Variants in BAZ1B observed in about 807,000 individuals in gnomAD.
The protein encoded by BAZ1B is tyrosine-protein kinase BAZ1B.
Under a neutral mutation model 153.8 loss-of-function variants are expected in BAZ1B, and 22 were observed. The observed-to-expected ratio is 0.14, with a 90% CI of 0.10 to 0.20. BAZ1B has a LOEUF of 0.20. Ranked by LOEUF, BAZ1B falls within the 10% of genes least tolerant of loss-of-function variation. BAZ1B has a pLI of 1.00. For missense variants in BAZ1B, 1,325 were observed against 1,799.3 expected (o/e 0.74, Z 4.77); for synonymous variants, 676 against 633.4 (o/e 1.07, Z -1.01).
intron 7 of BAZ1B, among the ~76,000 whole-genome samples, chr7:73,476,648 C>T (rs1256046158): frequency 6.6e-6 from 1 of 152,154 alleles, no homozygotes; most frequent in African/African-American, 2.4e-5. Flanking sequence ...GCCAACATCA[C>T]ATTAACTTAT....
In BAZ1B at chr7:73,498,839, T is replaced by A. The variant is rs1279710870; in HGVS notation, c.370-141A>T. ...AGTAAAGTATCCAAGTACAATGAAG[T>A]GTTTTCAACTTTTTTTCTCAGACTT... On this transcript the variant is annotated intron_variant, in intron 3 of 19. Coordinates refer to ENST00000339594, the MANE Select transcript of BAZ1B (RefSeq NM_032408.4). 9.3e-5 allele frequency: 65 copies of A among 696,932 alleles called. No homozygotes were observed. In the East Asian group the frequency reaches 1.7e-3, roughly 18 times the overall value. 43.2% of individuals were successfully genotyped at this position (696,932 alleles called of 1,614,324 possible).
intron 13 of BAZ1B, among the ~76,000 whole-genome samples, chr7:73,459,155 G>A (rs1563369009): frequency 6.6e-6 from 1 of 151,954 alleles, no homozygotes; most frequent in Non-Finnish European, 1.5e-5. Flanking sequence ...GGCTGAGGCA[G>A]GAGAATCGCT....
intron 4 of BAZ1B, among the ~76,000 whole-genome samples, chr7:73,493,839 CAAA>C (rs142781016): frequency 6.9e-5 from 4 of 58,282 alleles, no homozygotes; most frequent in Non-Finnish European, 3.6e-5. Context: ...ACCCTGTCTC[CAAA>C]AAAAAAAAAA....
At chr7:73,454,056 T>C (rs1390416665) in intron 13 of BAZ1B, among the ~76,000 whole-genome samples, 1 of 152,026 alleles carries the variant, frequency 6.6e-6, no homozygotes, top group Non-Finnish European at 1.5e-5. Flanking sequence ...CCCAGCACTT[T>C]TGGAGGCCAA....
At chr7:73,456,853 G>T (rs1454647963) in intron 13 of BAZ1B, among the ~76,000 whole-genome samples, 1 of 146,064 alleles carries the variant, frequency 6.8e-6, no homozygotes, top group Non-Finnish European at 1.5e-5. Flanking sequence ...AGCTGAGGCA[G>T]GAGAATCGCT....
In BAZ1B at chr7:73,521,838, G is replaced by T; in HGVS notation, c.96C>A (p.Phe32Leu). The T allele has an allele frequency of 6.7e-7, 1 of 1,500,690 alleles. No homozygotes were observed. The highest frequency in any genetic ancestry group is 8.9e-7 in the Non-Finnish European group (1 of 1,120,260). The allele number at this position is 1,500,690 out of a possible 1,614,324, so 93.0% of individuals were successfully genotyped here. A position where few individuals can be genotyped will look rare whatever the true frequency, so the allele number is the denominator to read the frequency against. Residue 32 changes from phenylalanine (F) to leucine (L), a missense_variant, in exon 1 of 20, where the codon TTC (phenylalanine) becomes TTA (leucine). Physicochemically the swap from Phe to Leu is conservative, Grantham distance 22. This residue lies in a region of BAZ1B where 61 missense variants were observed against 61.5 expected (regional missense o/e 0.99). Coordinates refer to ENST00000339594, the MANE Select transcript of BAZ1B (RefSeq NM_032408.4). ...CTGGAAAAGGATACTCCCGGGTGCGGAAGGCCTCCTGAGTGTGCGGGATGG... is the reference window on the plus strand; with the variant it reads ...CTGGAAAAGGATACTCCCGGGTGCGTAAGGCCTCCTGAGTGTGCGGGATGG... ...LFTIPHTQEA[F>L]RTREEYEARL...
In BAZ1B at chr7:73,442,312, C is replaced by T; in HGVS notation, c.4336G>A (p.Gly1446Ser). Residue 1446 changes from glycine (G) to serine (S), a missense_variant, in exon 19 of 20, where the codon GGC becomes AGC. Physicochemically the swap from Gly to Ser is moderately conservative, Grantham distance 56 (BLOSUM62 0). This residue lies in a region of BAZ1B where 271 missense variants were observed against 337.2 expected (regional missense o/e 0.80). Transcript: ENST00000339594. Reference protein sequence around the residue: ...LVALLHKHLPGHPYVRRKRKK... With the variant: ...LVALLHKHLPSHPYVRRKRKK... The stretch of plus-strand genomic sequence containing the variant: ...CGCTTCCTGCGGACATATGGGTGGC[C>T]AGGAAGGTGTTTATGCAACAGAGCC... The T allele has an allele frequency of 1.2e-6, 2 of 1,614,142 alleles. No homozygotes were observed. The highest frequency in any genetic ancestry group is 2.2e-5 in the South Asian group (2 of 91,074).
intron 13 of BAZ1B, among the ~76,000 whole-genome samples, chr7:73,451,321 G>A (rs1231447825): frequency 1.3e-5 from 2 of 152,108 alleles, no homozygotes; most frequent in South Asian, 2.1e-4. Context: ...ATAAAACTCC[G>A]ATTTAAAAGA....
Position 73,441,174 on chromosome 7 carries a change from G to C in BAZ1B, c.*535C>G, listed in dbSNP as rs1360994125. The C allele has an allele frequency of 3.9e-5, 6 of 152,636 alleles. No homozygotes were observed. Among genetic ancestry groups the C allele is most frequent in the African/African-American group, 1.4e-4 (6 of 41,424 alleles). 9.5% of individuals were successfully genotyped at this position (152,636 alleles called of 1,614,324 possible). A position where few individuals can be genotyped will look rare whatever the true frequency, so the allele number is the denominator to read the frequency against. On this transcript the variant is annotated 3_prime_UTR_variant, in exon 20 of 20. Coordinates refer to ENST00000339594, the MANE Select transcript of BAZ1B (RefSeq NM_032408.4). The stretch of plus-strand genomic sequence containing the variant: ...CCAACTGCTCTAGAGGAGAGTGGAT[G>C]GGCTGAAGGAGAAGCCAGGGAAGTT...
intron 16 of BAZ1B, among the ~76,000 whole-genome samples, chr7:73,445,256 A>T (rs1787788522): frequency 6.6e-6 from 1 of 152,172 alleles, no homozygotes; most frequent in South Asian, 2.1e-4. Flanking sequence ...ACTACTTTCC[A>T]TTCTATTTCT....
intron 1 of BAZ1B, among the ~76,000 whole-genome samples, chr7:73,511,787 G>A (rs1426267631): frequency 1.3e-5 from 2 of 150,234 alleles, no homozygotes; most frequent in African/African-American, 2.4e-5. Context: ...TTGGGAGTCC[G>A]AGGCAGGCAG....
chr7:73,446,383 G>A (rs1241029708), intron 16 of BAZ1B, among the ~76,000 whole-genome samples: 9 of 151,864 alleles, frequency 5.9e-5, no homozygotes, highest in African/African-American at 9.7e-5. Context: ...TCAGGAGTTC[G>A]AGACCAGCCT....
At chr7:73,464,099 G>A (rs1788490379) in intron 11 of BAZ1B, 1 of 960,304 alleles carries the variant, frequency 1.0e-6, no homozygotes, top group East Asian at 1.1e-4. Flanking sequence ...TAAGCAGTGG[G>A]CTAACATCAA....
intron 6 of BAZ1B, among the ~76,000 whole-genome samples, chr7:73,485,133 C>T (rs894797046): frequency 3.9e-5 from 6 of 152,000 alleles, no homozygotes; most frequent in African/African-American, 1.4e-4. Flanking sequence ...GGAATCTCTC[C>T]ATGTTGCCCA....
chr7:73,513,652 G>A (rs1790675282), intron 1 of BAZ1B, among the ~76,000 whole-genome samples: 2 of 152,144 alleles, frequency 1.3e-5, no homozygotes, highest in South Asian at 4.1e-4. Flanking sequence ...GGGATGGGTA[G>A]TAAAATAAGG....
chr7:73,442,744 G>A lies in BAZ1B; in HGVS notation c.4075C>T (p.Arg1359Cys). 1 of 1,614,076 alleles carries A rather than the reference G, an allele frequency of 6.2e-7. No individual in the cohort carries two copies. Among genetic ancestry groups the A allele is most frequent in the Non-Finnish European group, 8.5e-7 (1 of 1,179,964 alleles). Residue 1359 changes from arginine (R) to cysteine (C), a missense_variant, in exon 18 of 20, where the codon CGC becomes TGC. Coordinates refer to ENST00000339594, the MANE Select transcript of BAZ1B (RefSeq NM_032408.4). ...ACTCACCTGAAGGGCCAGCTGAAGC[G>A]GTACTTCACGATCTTGTGGAGGATC... ...EEILHKIVKY[R>C]FSWPFREPVT... is the part of the protein sequence containing the mutation.
intron 10 of BAZ1B, 139 bp downstream of exon 10, chr7:73,466,157 T>C: frequency 1.6e-6 from 1 of 611,380 alleles, no homozygotes; most frequent in East Asian, 2.8e-5. Flanking sequence ...ATGCAAGAAG[T>C]TTTGATATCC....
Position 73,469,594 on chromosome 7 carries a change from T to A in BAZ1B, c.2789A>T (p.His930Leu). ...PGLFIEKGWV[H>L]DSIDYRFNHH... ...GTTGAATCGGTAGTCAATGCTGTCATGTACCCAGCCTTTTTCAATGAATAA... is the reference window on the plus strand; with the variant it reads ...GTTGAATCGGTAGTCAATGCTGTCAAGTACCCAGCCTTTTTCAATGAATAA... Residue 930 changes from histidine (H) to leucine (L), a missense_variant, in exon 9 of 20, where the codon CAT becomes CTT. His to Leu is a moderately conservative substitution (Grantham distance 99). Coordinates refer to ENST00000339594, the MANE Select transcript of BAZ1B (RefSeq NM_032408.4). 6.2e-7 allele frequency: 1 copy of A among 1,614,196 alleles called. No homozygotes were observed. The highest frequency in any genetic ancestry group is 2.2e-5 in the East Asian group (1 of 44,886).
chr7:73,503,530 T>G (rs1554577418), intron 3 of BAZ1B, among the ~76,000 whole-genome samples: 1 of 151,754 alleles, frequency 6.6e-6, no homozygotes, highest in Admixed American at 6.6e-5. Flanking sequence ...TGCACCACCA[T>G]GCACGGCCAA....
Sources: gnomAD v4.1 joint callset for allele counts (sites outside exome capture counted in the v4.1 genomes callset) on GRCh38, gnomAD v4.1.1 for gene constraint, gnomAD v4.1.1 regional missense constraint, MANE v1.5 for transcripts, NCBI Gene and HGNC (gene_info 2026-07-23, HGNC 2026-07-21) for gene names.